Variants in PCDH15 observed in about 807,000 individuals in gnomAD.
The protein encoded by PCDH15 is protocadherin-15.
Under a neutral mutation model 178.5 loss-of-function variants are expected in PCDH15, and 129 were observed. The observed-to-expected ratio is 0.72, with a 90% confidence interval of 0.63 to 0.84. The LOEUF is 0.84. PCDH15 is among the 40% of genes least tolerant of loss of function. The pLI is 0.00. For missense variants in PCDH15, 2,230 were observed against 2,099.9 expected, an observed-to-expected ratio of 1.06 and a Z score of -1.21; for synonymous variants, 800 against 732.0, an observed-to-expected ratio of 1.09 and a Z score of -1.50.
At chr10:55,575,541 G>T (rs997064228) in intron 2 of PCDH15, 1 of 152,118 alleles carries the variant, frequency 6.6e-6, no homozygotes, top group Non-Finnish European at 1.5e-5. Context: ...TCCTTAGTTT[G>T]TAACGAAGTG....
At chr10:54,961,566 T>A (rs542262599) in intron 2 of PCDH15, among the ~76,000 whole-genome samples, 117 of 152,324 alleles carry the variant, frequency 7.7e-4, no homozygotes, top group African/African-American at 2.6e-3. Context: ...CCAATCAGCA[T>A]GCACTTCCTC....
chr10:55,558,943 G>A (rs1842141647), intron 2 of PCDH15, among the ~76,000 whole-genome samples: 1 of 152,032 alleles, frequency 6.6e-6, no homozygotes, highest in Non-Finnish European at 1.5e-5. Flanking sequence ...TCATCACAAA[G>A]TGAAAACATT....
At chr10:55,139,483 G>A (rs1386840424) in intron 2 of PCDH15, among the ~76,000 whole-genome samples, 1 of 151,914 alleles carries the variant, frequency 6.6e-6, no homozygotes, top group African/African-American at 2.4e-5. Context: ...CCTAGTTTGA[G>A]GTTCATTATT....
chr10:54,627,925 C>T lies in PCDH15; in HGVS notation c.91+36247G>A, dbSNP rs147100293. Among the ~76,000 whole-genome samples, 838 of 152,262 alleles carry T rather than the reference C, an allele frequency of 5.5e-3. 4 individuals carry two copies. Among genetic ancestry groups the T allele is most frequent in the Non-Finnish European group, 8.0e-3 (545 of 68,016 alleles). On this transcript the variant is annotated intron_variant, in intron 2 of 37. Transcript: ENST00000644397. The stretch of plus-strand genomic sequence containing the variant: ...AGTCTGGTCAAGGAGAGAGTCTTTG[C>T]CATAAGAAACTTAATAATAACTAAT...
intron 3 of PCDH15, among the ~76,000 whole-genome samples, chr10:54,863,062 A>G (rs181788011): frequency 7.9e-5 from 12 of 152,254 alleles, no homozygotes; most frequent in Admixed American, 2.6e-4. Flanking sequence ...ATTATCATCA[A>G]TGTTCCTCAA....
chr10:54,780,623 G>A (rs1950264260), intron 1 of PCDH15, among the ~76,000 whole-genome samples: 1 of 151,218 alleles, frequency 6.6e-6, no homozygotes, highest in Admixed American at 6.6e-5. Flanking sequence ...GGAAAGCTTA[G>A]GAAAACACTA....
At chr10:54,077,685 T>G (rs1318713152) in intron 17 of PCDH15, among the ~76,000 whole-genome samples, 1 of 152,130 alleles carries the variant, frequency 6.6e-6, no homozygotes, top group Non-Finnish European at 1.5e-5. Context: ...CTCTAAACTT[T>G]CATCATAAGT....
At chr10:54,990,188 A>T (rs997320913) in intron 2 of PCDH15, among the ~76,000 whole-genome samples, 5 of 152,156 alleles carry the variant, frequency 3.3e-5, no homozygotes, top group African/African-American at 1.2e-4. Context: ...TTTCTTGGAG[A>T]TCTGTTATGA....
intron 13 of PCDH15, among the ~76,000 whole-genome samples, chr10:54,177,154 A>G (rs1315684362): frequency 6.6e-6 from 1 of 152,164 alleles, no homozygotes; most frequent in Non-Finnish European, 1.5e-5. Context: ...AATACGTATT[A>G]CTAAGTGAAA....
In PCDH15 at chr10:53,811,633, A is replaced by C; in HGVS notation, c.4492-14T>G. On this transcript the variant is annotated splice_polypyrimidine_tract_variant and intron_variant, in intron 35 of 37. Coordinates refer to ENST00000644397, the MANE Select transcript of PCDH15 (RefSeq NM_001384140.1). ...CATGGATAATTCCTATTGTTCAAAAAGAAAAATTGCATTTGAAAACGAATT... is the reference window on the plus strand; with the variant it reads ...CATGGATAATTCCTATTGTTCAAAACGAAAAATTGCATTTGAAAACGAATT... The C allele has an allele frequency of 6.6e-7, 1 of 1,521,240 alleles. No individual in the cohort carries two copies. The highest frequency in any genetic ancestry group is 8.8e-7 in the Non-Finnish European group (1 of 1,131,328). The allele number at this position is 1,521,240 out of a possible 1,614,324, so 94.2% of individuals were successfully genotyped here.
chr10:54,626,724 A>T (rs4935528), intron 2 of PCDH15, among the ~76,000 whole-genome samples: 74,733 of 151,940 alleles, frequency 0.49, 19,852 homozygotes, highest in Non-Finnish European at 0.6. Context: ...CCCTACACAG[A>T]GTCCCTATTG....
chr10:53,812,836 T>TATCA (rs1203730517), intron 35 of PCDH15, among the ~76,000 whole-genome samples: 1 of 152,198 alleles, frequency 6.6e-6, no homozygotes, highest in East Asian at 1.9e-4. Context: ...TACATATTTC[T>TATCA]ATCATCTATT....
chr10:54,718,196 T>A (rs1207956735), intron 1 of PCDH15, among the ~76,000 whole-genome samples: 1 of 150,712 alleles, frequency 6.6e-6, no homozygotes, highest in Non-Finnish European at 1.5e-5. Context: ...CACCAGCATG[T>A]CACATGTATA....
At chr10:55,095,857 C>T (rs191575246) in intron 2 of PCDH15, among the ~76,000 whole-genome samples, 2 of 151,968 alleles carry the variant, frequency 1.3e-5, no homozygotes, top group East Asian at 1.9e-4. Context: ...ATTCATGGTA[C>T]CTATATTTTT....
intron 3 of PCDH15, among the ~76,000 whole-genome samples, chr10:54,518,197 G>A (rs531239943): frequency 0.01 from 1,555 of 152,076 alleles, 11 homozygotes; most frequent in Middle Eastern, 0.037. Flanking sequence ...CAGAAGGCAA[G>A]AAATAACTAA....
chr10:53,899,296 G>A (rs114320711), intron 26 of PCDH15, among the ~76,000 whole-genome samples: 3,158 of 151,604 alleles, frequency 0.021, 103 homozygotes, highest in African/African-American at 0.069. Flanking sequence ...AGTATATTAG[G>A]TATACCACTT....
chr10:55,134,100 C>T (rs191893131), intron 2 of PCDH15, among the ~76,000 whole-genome samples: 1 of 152,168 alleles, frequency 6.6e-6, no homozygotes, highest in African/African-American at 2.4e-5. Context: ...ATTTAATGGC[C>T]TGTAAGTCCC....
At chr10:53,814,701 C>A (rs2075998080) in intron 35 of PCDH15, among the ~76,000 whole-genome samples, 1 of 152,064 alleles carries the variant, frequency 6.6e-6, no homozygotes, top group Non-Finnish European at 1.5e-5. Flanking sequence ...TGCGGTGGCT[C>A]ACGCCTGTAC....
chr10:55,385,754 TATGTATAG>T (rs1181842239), intron 2 of PCDH15, among the ~76,000 whole-genome samples: 233 of 144,734 alleles, frequency 1.6e-3, no homozygotes, highest in African/African-American at 5.7e-3. Context: ...TATGCATATA[TATGTATAG>T]ATATATACGT....
Sources: gnomAD v4.1 joint callset for allele counts (sites outside exome capture counted in the v4.1 genomes callset) on GRCh38, gnomAD v4.1.1 for gene constraint, MANE v1.5 for transcripts, NCBI Gene and HGNC (gene_info 2026-07-23, HGNC 2026-07-21) for gene names.